PRRC2C: variants seen among roughly 807,000 people sequenced by gnomAD.
PRRC2C encodes the protein protein PRRC2C.
Under a neutral mutation model 317.2 loss-of-function variants are expected in PRRC2C, and 72 were observed. That is an observed-to-expected ratio of 0.23 (90% CI 0.19 to 0.28). The LOEUF is 0.28. Ranked by LOEUF, PRRC2C falls within the 10% of genes least tolerant of loss-of-function variation. PRRC2C has a pLI of 1.00. For synonymous variants in PRRC2C, 1,296 were observed against 1,205.9 expected, an observed-to-expected ratio of 1.07 and a Z score of -1.55; for missense variants, 3,074 against 3,459.7, an observed-to-expected ratio of 0.89 and a Z score of 2.80.
intron 17 of PRRC2C, 98 bp from the exon 18 acceptor site, chr1:171,549,987 TA>T (rs1319879610): frequency 1.1e-6 from 1 of 883,944 alleles, no homozygotes; most frequent in African/African-American, 2.6e-5. Context: ...GGCCTTTGGC[TA>T]GTTTTTTTTT....
intron 1 of PRRC2C, among the ~76,000 whole-genome samples, chr1:171,498,207 C>T (rs1430320364): frequency 6.6e-6 from 1 of 152,082 alleles, no homozygotes; most frequent in Admixed American, 6.6e-5. Flanking sequence ...TCCTCATTCT[C>T]TTCTGACTTC....
At chr1:171,535,953 A>G in intron 13 of PRRC2C, 76 bp from the exon 14 acceptor site, 13 of 1,502,292 alleles carry the variant, frequency 8.7e-6, no homozygotes, top group Non-Finnish European at 1.2e-5. Flanking sequence ...ACAGGCCATT[A>G]TTTTGTGATA....
At chr1:171,515,547 C>T (rs1672208028) in intron 4 of PRRC2C, among the ~76,000 whole-genome samples, 187 bp from the exon 5 acceptor site, 1 of 152,174 alleles carries the variant, frequency 6.6e-6, no homozygotes, top group Non-Finnish European at 1.5e-5. Flanking sequence ...CTTTCATCTC[C>T]TCATGGCTGA....
At chr1:171,509,601 C>G (rs532309613) in intron 1 of PRRC2C, 2 of 151,994 alleles carry the variant, frequency 1.3e-5, no homozygotes, top group African/African-American at 4.8e-5. Flanking sequence ...CCCCCCTGCC[C>G]CCAGATTTGT....
At chr1:171,528,600 C>G (rs998535239) in intron 11 of PRRC2C, among the ~76,000 whole-genome samples, 5 of 152,058 alleles carry the variant, frequency 3.3e-5, no homozygotes, top group African/African-American at 9.7e-5. Context: ...CAATGAAATT[C>G]TTTTAGTGAA....
intron 26 of PRRC2C, among the ~76,000 whole-genome samples, 184 bp downstream of exon 26, chr1:171,577,821 A>G (rs1572108215): frequency 8.4e-6 from 1 of 119,540 alleles, no homozygotes; most frequent in South Asian, 2.7e-4. Flanking sequence ...TCTGTTGCCC[A>G]GGCTGGATTG....
chr1:171,584,199 G>A lies in PRRC2C; in HGVS notation c.7641+12G>A, dbSNP rs1003710757. On this transcript the variant is annotated intron_variant, in intron 29 of 34. Transcript: ENST00000647382. ...CACATCTTCTCCAGGTAAGTCAGGG[G>A]ACTAGAGCAATGCACCCTCATTGTA... The A allele has an allele frequency of 6.3e-7, 1 of 1,592,254 alleles. No homozygotes were observed. The highest frequency in any genetic ancestry group is 1.3e-5 in the African/African-American group (1 of 74,528).
intron 2 of PRRC2C, 58 bp downstream of exon 2, chr1:171,512,258 A>G: frequency 8.4e-7 from 1 of 1,193,340 alleles, no homozygotes; most frequent in Middle Eastern, 1.9e-4. Context: ...ACTATAAGTG[A>G]TACACCTGCT....
At chr1:171,490,471 G>A (rs1666925935) in intron 1 of PRRC2C, among the ~76,000 whole-genome samples, 1 of 152,138 alleles carries the variant, frequency 6.6e-6, no homozygotes, top group South Asian at 2.1e-4. Context: ...CAGCATTACA[G>A]GAATAGAGAT....
intron 24 of PRRC2C, among the ~76,000 whole-genome samples, chr1:171,573,879 A>G (rs1277683953): frequency 2.0e-5 from 3 of 151,656 alleles, no homozygotes; most frequent in Non-Finnish European, 4.4e-5. Flanking sequence ...GGGTTTCACT[A>G]TGTTGGCCAG....
chr1:171,532,594 T>C lies in PRRC2C; in HGVS notation c.1506T>C (p.Ser502=), dbSNP rs371537113. ...TTGGCATCCTGGAAAAACAACCATCTCCAGAGGAAATTAGGGAAAGGGAGC... is the reference window on the plus strand; with the variant it reads ...TTGGCATCCTGGAAAAACAACCATCCCCAGAGGAAATTAGGGAAAGGGAGC... The part of the protein sequence containing the change: ...EKLGILEKQP[S]PEEIRERERE... Residue 502 remains serine, a synonymous_variant, in exon 12 of 35, where the codon TCT becomes TCC. Coordinates refer to ENST00000647382, the MANE Select transcript of PRRC2C (RefSeq NM_001387844.1). 3.5e-5 allele frequency: 55 copies of C among 1,557,666 alleles called. No individual in the cohort carries two copies. The highest frequency in any genetic ancestry group is 4.6e-5 in the Non-Finnish European group (53 of 1,150,794).
intron 1 of PRRC2C, among the ~76,000 whole-genome samples, chr1:171,508,858 T>C (rs1670749947): frequency 1.3e-5 from 2 of 152,190 alleles, no homozygotes; most frequent in Non-Finnish European, 2.9e-5. Context: ...TTTTCTTCAC[T>C]GACCATCAAT....
chr1:171,536,241 A>G lies in PRRC2C; in HGVS notation c.2256A>G (p.Ser752=), dbSNP rs759573456. ...MQSYMDPRMM[S]GRPAMDIPPI... ...CCTACATGGATCCTCGAATGATGTC[A>G]GGAAGACCTGCTATGGATATTCCAC... Residue 752 remains serine (S), a synonymous_variant, in exon 14 of 35, where the codon TCA becomes TCG. Coordinates refer to ENST00000647382, the MANE Select transcript of PRRC2C (RefSeq NM_001387844.1). 6 of 1,613,740 alleles carry G rather than the reference A, an allele frequency of 3.7e-6. No homozygotes were observed. The highest frequency in any genetic ancestry group is 5.1e-6 in the Non-Finnish European group (6 of 1,179,846).
chr1:171,513,353 A>G (rs111668855), intron 3 of PRRC2C, 181 bp downstream of exon 3: 9 of 750,964 alleles, frequency 1.2e-5, no homozygotes, highest in East Asian at 5.7e-5. Flanking sequence ...AAGTATTTCA[A>G]TTTGTCAGGG....
intron 5 of PRRC2C, among the ~76,000 whole-genome samples, chr1:171,516,565 ACTC>A (rs1672407260): frequency 6.6e-6 from 1 of 151,966 alleles, no homozygotes; most frequent in Admixed American, 6.6e-5. Flanking sequence ...AGATGTGCTG[ACTC>A]CTCTATTTTG....
chr1:171,568,938 A>C (rs191137962), intron 23 of PRRC2C, among the ~76,000 whole-genome samples: 47 of 152,330 alleles, frequency 3.1e-4, no homozygotes, highest in Admixed American at 2.7e-3. Flanking sequence ...CTAGTTTTCC[A>C]GAGCAACCAT....
Position 171,541,419 on chromosome 1 carries a change from G to C in PRRC2C, c.3953G>C (p.Arg1318Thr), listed in dbSNP as rs1677927672. The C allele has an allele frequency of 6.2e-7, 1 of 1,613,766 alleles. No homozygotes were observed. The highest frequency in any genetic ancestry group is 1.3e-5 in the African/African-American group (1 of 74,908). ...KPDNHVRIDN[R>T]LLEKPYVRDD... ...GATAATCATGTTCGAATAGATAATA[G>C]ACTGCTAGAAAAGCCTTATGTAAGG... Residue 1318 changes from arginine to threonine, a missense_variant, in exon 16 of 35, where the codon AGA becomes ACA. Transcript: ENST00000647382. The surrounding 1 kb of genome is among the most constrained non-coding windows in gnomAD (Gnocchi z 4.1).
intron 24 of PRRC2C, 144 bp downstream of exon 24, chr1:171,571,565 C>A (rs1684778020): frequency 1.6e-6 from 1 of 641,678 alleles, no homozygotes; most frequent in Non-Finnish European, 2.7e-6. Context: ...TCAAATTATA[C>A]CTTACAGTTT....
At chr1:171,538,101 C>T (rs1340312020) in intron 15 of PRRC2C, among the ~76,000 whole-genome samples, 3 of 151,950 alleles carry the variant, frequency 2.0e-5, no homozygotes, top group East Asian at 1.9e-4. Flanking sequence ...GGGGTTTCAC[C>T]GTGTTAGCCA....
Sources: allele counts gnomAD v4.1 joint callset (sites outside exome capture counted in the v4.1 genomes callset), GRCh38; gene constraint gnomAD v4.1.1; non-coding constraint Gnocchi (gnomAD v3.1); transcripts MANE v1.5; gene names NCBI Gene and HGNC (gene_info 2026-07-23, HGNC 2026-07-21).